The following CDH13 variants were observed in gnomAD, a reference collection of about 807,000 sequenced individuals.
The protein encoded by CDH13 is cadherin 13.
Under a neutral mutation model 63.8 loss-of-function variants are expected in CDH13, and 24 were observed. The ratio of observed to expected loss-of-function variants is 0.38; its 90% CI spans 0.27 to 0.53. CDH13 has a LOEUF of 0.53. Among genes scored for constraint, CDH13 ranks in the 20% least tolerant of loss-of-function variants. The pLI is 0.85. For synonymous variants in CDH13, 503 were observed against 355.3 expected (o/e 1.42, Z -4.67); for missense variants, 1,049 against 903.1 (o/e 1.16, Z -2.07).
chr16:83,581,694 T>C (rs1232309334), intron 7 of CDH13, among the ~76,000 whole-genome samples: 1 of 152,086 alleles, frequency 6.6e-6, no homozygotes, highest in African/African-American at 2.4e-5. Context: ...GGGTATGCCC[T>C]TGTAGTCCCA....
intron 3 of CDH13, among the ~76,000 whole-genome samples, chr16:83,103,981 A>G (rs1405490755): frequency 6.6e-6 from 1 of 152,164 alleles, no homozygotes; most frequent in Admixed American, 6.5e-5. Context: ...TATGCTGACA[A>G]TTTTCTCTTG....
chr16:82,672,804 C>CACACACAT (rs1567612371), intron 1 of CDH13, among the ~76,000 whole-genome samples: 2 of 132,318 alleles, frequency 1.5e-5, no homozygotes, highest in African/African-American at 5.6e-5. Flanking sequence ...CACACACATA[C>CACACACAT]ACACACACAC....
chr16:82,931,858 G>C (rs1245836660), intron 2 of CDH13, among the ~76,000 whole-genome samples: 1 of 152,110 alleles, frequency 6.6e-6, no homozygotes. Flanking sequence ...ACAACATGTG[G>C]GAATTATGGG....
intron 2 of CDH13, among the ~76,000 whole-genome samples, chr16:82,867,271 G>C (rs7206473): frequency 0.61 from 92,123 of 152,026 alleles, 28,146 homozygotes; most frequent in East Asian, 0.84. Flanking sequence ...CTGTGGCCTA[G>C]TGTCTCTTAG....
chr16:83,594,641 C>G (rs1026301194), intron 7 of CDH13, among the ~76,000 whole-genome samples: 2 of 152,162 alleles, frequency 1.3e-5, no homozygotes, highest in African/African-American at 4.8e-5. Context: ...ATGTAGAGTG[C>G]AGTTCAAGAC....
chr16:83,715,761 G>C (rs1908804154), intron 10 of CDH13, among the ~76,000 whole-genome samples: 1 of 152,152 alleles, frequency 6.6e-6, no homozygotes, highest in Admixed American at 6.5e-5. Flanking sequence ...TGATGCCTTG[G>C]CTTGGGTCAG....
intron 4 of CDH13, chr16:83,180,891 A>T: frequency 6.5e-7 from 1 of 1,531,484 alleles, no homozygotes; most frequent in Non-Finnish European, 8.7e-7. Context: ...TCCTATTAAC[A>T]GCGAACTTCT....
At chr16:83,262,422 A>C (rs1907103422) in intron 5 of CDH13, among the ~76,000 whole-genome samples, 1 of 152,230 alleles carries the variant, frequency 6.6e-6, no homozygotes, top group Non-Finnish European at 1.5e-5. Flanking sequence ...CTTGTGGTAG[A>C]CATTTTGTTT....
intron 7 of CDH13, among the ~76,000 whole-genome samples, chr16:83,533,010 C>T (rs190861137): frequency 3.3e-5 from 5 of 152,312 alleles, no homozygotes; most frequent in South Asian, 4.2e-4. Flanking sequence ...AAGCTAACTA[C>T]AATTGTCAGT....
chr16:82,706,997 A>T (rs1385500166), intron 1 of CDH13, among the ~76,000 whole-genome samples: 1 of 152,180 alleles, frequency 6.6e-6, no homozygotes, highest in Non-Finnish European at 1.5e-5. Context: ...CTTTTAAGGA[A>T]AGGAAAAGGA....
At chr16:83,023,391 A>T (rs996478731) in intron 2 of CDH13, among the ~76,000 whole-genome samples, 2 of 152,094 alleles carry the variant, frequency 1.3e-5, no homozygotes, top group Non-Finnish European at 2.9e-5. Context: ...CTCCATGTAC[A>T]GTATCTTATA....
chr16:82,849,498 C>G (rs12599161), intron 1 of CDH13, among the ~76,000 whole-genome samples: 56,751 of 151,860 alleles, frequency 0.37, 11,598 homozygotes, highest in East Asian at 0.83. Flanking sequence ...GAGACTCCGT[C>G]TCAAAAAAAT....
chr16:83,151,423 G>C (rs878983296), intron 4 of CDH13, among the ~76,000 whole-genome samples: 6 of 152,176 alleles, frequency 3.9e-5, no homozygotes, highest in Non-Finnish European at 8.8e-5. Flanking sequence ...CCCTCCAGCA[G>C]GGAATATGCC....
At chr16:83,672,861 C>G (rs889180317) in intron 9 of CDH13, among the ~76,000 whole-genome samples, 3 of 152,172 alleles carry the variant, frequency 2.0e-5, no homozygotes, top group Non-Finnish European at 4.4e-5. Context: ...GGAAAATTGT[C>G]TGACAGATTT....
Position 82,794,346 on chromosome 16 carries a change from G to A in CDH13, c.46-64016G>A, listed in dbSNP as rs1218066915. Among the ~76,000 whole-genome samples, 2 of 108,348 alleles carry A rather than the reference G, an allele frequency of 1.8e-5. 1 individual carries two copies. The highest frequency in any genetic ancestry group is 5.3e-5 in the African/African-American group (2 of 38,080). The allele number at this position is 108,348 out of a possible 152,430, so 71.1% of individuals were successfully genotyped here. On this transcript the variant is annotated intron_variant, in intron 1 of 13. Coordinates refer to ENST00000567109, the MANE Select transcript of CDH13 (RefSeq NM_001257.5). The stretch of plus-strand genomic sequence containing the variant: ...CTCTGCAAAATAATCATCTTTGTTG[G>A]TCTTAAGAACACTTTAAATCAGGTT...
intron 4 of CDH13, among the ~76,000 whole-genome samples, chr16:83,144,876 T>G (rs2036680903): frequency 6.6e-6 from 1 of 152,196 alleles, no homozygotes. Context: ...AGACAGCAGC[T>G]ACAGAGCCTC....
intron 4 of CDH13, among the ~76,000 whole-genome samples, chr16:83,216,743 T>C (rs2039545574): frequency 6.7e-6 from 1 of 148,720 alleles, no homozygotes; most frequent in South Asian, 2.1e-4. Flanking sequence ...AGGGGTTTGA[T>C]ATATATAATA....
intron 2 of CDH13, among the ~76,000 whole-genome samples, chr16:82,876,098 T>A (rs898112568): frequency 5.9e-5 from 9 of 152,186 alleles, no homozygotes; most frequent in Non-Finnish European, 1.2e-4. Flanking sequence ...GAAAGACCCA[T>A]CTCCATAATT....
intron 2 of CDH13, among the ~76,000 whole-genome samples, chr16:83,015,310 A>T (rs766241331): frequency 8.5e-5 from 13 of 152,052 alleles, no homozygotes; most frequent in Middle Eastern, 3.4e-3. Context: ...CCACTGAGAA[A>T]TCTCACCCTT....
Sources: allele counts gnomAD v4.1 joint callset (sites outside exome capture counted in the v4.1 genomes callset), GRCh38; gene constraint gnomAD v4.1.1; transcripts MANE v1.5; gene names NCBI Gene and HGNC (gene_info 2026-07-23, HGNC 2026-07-21).